Variants in RTN1 observed in about 807,000 individuals in gnomAD.
RTN1 encodes reticulon 1.
RTN1 carries 25 observed loss-of-function variants against 65.5 expected under a neutral mutation model. That is an observed-to-expected ratio of 0.38 (90% confidence interval 0.28 to 0.53). RTN1 has a LOEUF of 0.53. RTN1 is among the 20% of genes least tolerant of loss of function. RTN1 has a pLI of 0.79. For missense variants in RTN1, 983 were observed against 1,025.4 expected, an observed-to-expected ratio of 0.96 and a Z score of 0.57; for synonymous variants, 471 against 447.6, an observed-to-expected ratio of 1.05 and a Z score of -0.66.
intron 1 of RTN1, among the ~76,000 whole-genome samples, chr14:59,776,739 A>G (rs994970799): frequency 6.6e-6 from 1 of 152,008 alleles, no homozygotes; most frequent in South Asian, 2.1e-4. Context: ...TCCTTCATCC[A>G]GTAGGAGGCT....
rs944451307 is a variant in RTN1, at chr14:59,836,431, T to G, written c.241+33959A>C. 1.1e-4 allele frequency among the ~76,000 whole-genome samples: 17 copies of G among 152,204 alleles called. No individual in the cohort carries two copies. The highest frequency in any genetic ancestry group is 2.4e-5 in the African/African-American group (1 of 41,456). Reference sequence around the variant, plus strand: ...CAGAGAGATTAAGGAACTCCCCACATCACACAACTAATTTTTCCAGTTCTT... The same window carrying G: ...CAGAGAGATTAAGGAACTCCCCACAGCACACAACTAATTTTTCCAGTTCTT... On this transcript the variant is annotated intron_variant, in intron 1 of 8. Transcript: ENST00000267484. The surrounding 1 kb of genome is among the most constrained non-coding windows in gnomAD (Gnocchi z 4.9).
At chr14:59,796,483 C>T (rs1224144877) in intron 1 of RTN1, among the ~76,000 whole-genome samples, 1 of 152,082 alleles carries the variant, frequency 6.6e-6, no homozygotes, top group Non-Finnish European at 1.5e-5. Flanking sequence ...AGGAAAATAC[C>T]CCTACTTCTT....
At chr14:59,749,954 TTATATATATATTATATACA>T (rs1237408473) in intron 1 of RTN1, among the ~76,000 whole-genome samples, 1 of 110,440 alleles carries the variant, frequency 9.1e-6, no homozygotes, top group Non-Finnish European at 1.7e-5. Flanking sequence ...TATTTATATG[TTATATATATATTATATACA>T]TATATTATAT....
chr14:59,612,229 T>A (rs1483806866), intron 3 of RTN1, among the ~76,000 whole-genome samples: 1 of 152,214 alleles, frequency 6.6e-6, no homozygotes, highest in Non-Finnish European at 1.5e-5. Context: ...ATCTTGCCTG[T>A]GGTTCCATAA....
chr14:59,801,653 T>C (rs1277960400), intron 1 of RTN1, among the ~76,000 whole-genome samples: 1 of 152,152 alleles, frequency 6.6e-6, no homozygotes, highest in East Asian at 1.9e-4. Flanking sequence ...TTCATATATA[T>C]GTAACTACAG....
chr14:59,685,361 A>G (rs1173914990), intron 3 of RTN1, among the ~76,000 whole-genome samples: 1 of 152,176 alleles, frequency 6.6e-6, no homozygotes, highest in East Asian at 1.9e-4. Flanking sequence ...CCAAATCTGA[A>G]AGGAAGAAGC....
intron 1 of RTN1, among the ~76,000 whole-genome samples, chr14:59,831,117 AAAG>A (rs1379627134): frequency 2.6e-5 from 4 of 152,338 alleles, no homozygotes; most frequent in African/African-American, 4.8e-5. Flanking sequence ...TCTACACTTG[AAAG>A]AAGGACATAC....
chr14:59,706,803 C>T (rs1182438086), intron 3 of RTN1, among the ~76,000 whole-genome samples: 2 of 152,212 alleles, frequency 1.3e-5, no homozygotes, highest in Non-Finnish European at 2.9e-5. Flanking sequence ...GGGCGCTGGA[C>T]ATCTTAACAC....
At chr14:59,786,688 T>C (rs1431665322) in intron 1 of RTN1, among the ~76,000 whole-genome samples, 1 of 152,170 alleles carries the variant, frequency 6.6e-6, no homozygotes, top group Non-Finnish European at 1.5e-5. Context: ...ATATAACCTA[T>C]AGAAAAGTTA....
At chr14:59,676,434 G>A (rs1270363351) in intron 3 of RTN1, among the ~76,000 whole-genome samples, 2 of 152,166 alleles carry the variant, frequency 1.3e-5, no homozygotes, top group Non-Finnish European at 2.9e-5. Context: ...GTTCAATTAA[G>A]TATCAGTAGT....
At chr14:59,827,261 G>A (rs1887048799) in intron 1 of RTN1, among the ~76,000 whole-genome samples, 1 of 152,100 alleles carries the variant, frequency 6.6e-6, no homozygotes, top group African/African-American at 2.4e-5. Context: ...TATATTTTTA[G>A]TAGAGATGGG....
At chr14:59,761,352 G>T (rs1347426242) in intron 1 of RTN1, among the ~76,000 whole-genome samples, 2 of 152,136 alleles carry the variant, frequency 1.3e-5, no homozygotes, top group Admixed American at 1.3e-4. Context: ...TCGTGGTAAT[G>T]AATAAGTCTC....
At chr14:59,663,859 A>G (rs1883305478) in intron 3 of RTN1, among the ~76,000 whole-genome samples, 1 of 152,176 alleles carries the variant, frequency 6.6e-6, no homozygotes, top group Non-Finnish European at 1.5e-5. Context: ...ATGCTATTAT[A>G]CTGTCAGTGG....
intron 1 of RTN1, among the ~76,000 whole-genome samples, chr14:59,789,326 A>G (rs1886306486): frequency 6.6e-6 from 1 of 152,112 alleles, no homozygotes; most frequent in African/African-American, 2.4e-5. Context: ...TTAATGTTGT[A>G]TGATATATGT....
At chr14:59,725,270 C>T (rs111914088) in intron 3 of RTN1, among the ~76,000 whole-genome samples, 131 of 152,314 alleles carry the variant, frequency 8.6e-4, no homozygotes, top group African/African-American at 2.9e-3. Context: ...GATTTATCTA[C>T]TTTTGAGAAT....
chr14:59,853,237 C>T (rs1191037196), intron 1 of RTN1, among the ~76,000 whole-genome samples: 1 of 152,110 alleles, frequency 6.6e-6, no homozygotes, highest in Non-Finnish European at 1.5e-5. Flanking sequence ...TCTATTATAA[C>T]CCCTCTGTCA....
At chr14:59,866,850 A>G (rs1227229021) in intron 1 of RTN1, among the ~76,000 whole-genome samples, 1 of 152,214 alleles carries the variant, frequency 6.6e-6, no homozygotes, top group Non-Finnish European at 1.5e-5. Context: ...AACACATCCA[A>G]AAGTGAAGAC....
intron 1 of RTN1, among the ~76,000 whole-genome samples, chr14:59,848,380 AT>A (rs904405227): frequency 1.3e-5 from 2 of 152,240 alleles, no homozygotes; most frequent in African/African-American, 2.4e-5. Context: ...CATCCAATTA[AT>A]TTTTAAAATG....
At chr14:59,630,618 G>A in intron 3 of RTN1, 2 of 1,566,520 alleles carry the variant, frequency 1.3e-6, no homozygotes, top group Admixed American at 1.7e-5. Context: ...CGGCTGCGGA[G>A]AGACTGAGGC....
Sources: allele counts gnomAD v4.1 joint callset (sites outside exome capture counted in the v4.1 genomes callset), GRCh38; gene constraint gnomAD v4.1.1; non-coding constraint Gnocchi (gnomAD v3.1); transcripts MANE v1.5; gene names NCBI Gene and HGNC (gene_info 2026-07-23, HGNC 2026-07-21).